Variants in IMMT observed in about 807,000 individuals in gnomAD.
IMMT encodes MICOS complex subunit MIC60.
In IMMT, 40 loss-of-function variants were observed where a neutral mutation model predicts 92.7. The ratio of observed to expected loss-of-function variants is 0.43; its 90% confidence interval spans 0.34 to 0.56. The LOEUF is 0.56. Among genes scored for constraint, IMMT ranks in the 20% least tolerant of loss-of-function variants. The pLI is 0.03. For missense variants in IMMT, 831 were observed against 912.1 expected, an observed-to-expected ratio of 0.91 and a Z score of 1.14; for synonymous variants, 322 against 336.1, an observed-to-expected ratio of 0.96 and a Z score of 0.46.
intron 3 of IMMT, among the ~76,000 whole-genome samples, chr2:86,176,540 G>A (rs531293489): frequency 2.0e-4 from 31 of 152,228 alleles, no homozygotes; most frequent in Non-Finnish European, 3.2e-4. Flanking sequence ...AACAAGATAG[G>A]ATAGCTAACA....
chr2:86,175,381 A>AAT (rs1331033836), intron 3 of IMMT, among the ~76,000 whole-genome samples: 28 of 151,720 alleles, frequency 1.8e-4, no homozygotes, highest in South Asian at 1.5e-3. Context: ...ATTTCTCTCA[A>AAT]ATATATATAT....
chr2:86,165,961 G>C lies in IMMT; in HGVS notation c.792+547C>G, dbSNP rs562743163. Among the ~76,000 whole-genome samples, 261 of 152,312 alleles carry C rather than the reference G, an allele frequency of 1.7e-3. 2 individuals are homozygous for C. Among genetic ancestry groups the C allele is most frequent in the Middle Eastern group, 3.4e-3 (1 of 294 alleles). On this transcript the variant is annotated intron_variant, in intron 7 of 14. Coordinates refer to ENST00000410111, the MANE Select transcript of IMMT (RefSeq NM_006839.3). ...CTAATTCTTGCGCTGCATCGGTGTTGTAAGATATAGTAAAGCACAATGTAT... is the reference window on the plus strand; with the variant it reads ...CTAATTCTTGCGCTGCATCGGTGTTCTAAGATATAGTAAAGCACAATGTAT...
At position 86,146,078 on chromosome 2, in the gene IMMT, C is replaced by T. The variant is rs367650891; in HGVS notation, c.1653G>A (p.Gln551=). The change falls in exon 14 of 15, where the codon CAG becomes CAA. Residue 551 remains glutamine, a synonymous_variant. Transcript: ENST00000410111. ...ATAGCTTATGCTTACTCTGAACAGC[C>T]TGTTCGATTCCTCTGAGTCTGGCAT... ...TAYARLRGIE[Q]AVQSHAVAEE... The T allele has an allele frequency of 3.5e-5, 55 of 1,582,376 alleles. No homozygotes were observed. The highest frequency in any genetic ancestry group is 4.5e-5 in the Non-Finnish European group (52 of 1,159,558).
chr2:86,191,447 C>A (rs1189206705), intron 1 of IMMT, among the ~76,000 whole-genome samples: 3 of 152,024 alleles, frequency 2.0e-5, no homozygotes, highest in African/African-American at 7.2e-5. Context: ...CTCTAGCAGA[C>A]TGCCTCCAGA....
intron 4 of IMMT, among the ~76,000 whole-genome samples, chr2:86,171,757 G>A (rs1233363045): frequency 6.6e-6 from 1 of 151,938 alleles, no homozygotes; most frequent in Non-Finnish European, 1.5e-5. Flanking sequence ...TTTGAAGAGT[G>A]GTAGAAGACG....
At chr2:86,178,324 A>AAAG (rs1405931174) in intron 3 of IMMT, among the ~76,000 whole-genome samples, 2 of 145,550 alleles carry the variant, frequency 1.4e-5, no homozygotes, top group Non-Finnish European at 3.0e-5. Flanking sequence ...TCTCAAAAAA[A>AAAG]AAAAAAAGAA....
rs1212563539 is a variant in IMMT at position 86,171,093 on chromosome 2, C to A, written c.559+115G>T. 16 of 964,018 alleles carry A rather than the reference C, an allele frequency of 1.7e-5. No individual in the cohort carries two copies. In the East Asian group the frequency reaches 4.2e-4, roughly 25 times the overall value. The allele number at this position is 964,018 out of a possible 1,614,324, so 59.7% of individuals were successfully genotyped here. On this transcript the variant is annotated intron_variant, in intron 5 of 14. Coordinates refer to ENST00000410111, the MANE Select transcript of IMMT (RefSeq NM_006839.3). ...AATTTTAAAAATTTCCTAAGAAACT[C>A]TGAAGACCTAAACCTAGTGTAAATG...
At position 86,159,579 on chromosome 2, in the gene IMMT, T is replaced by G. The variant is rs755265526; in HGVS notation, c.989A>C (p.Lys330Thr). ...CAGATCAACTATCATGTTGTGAAGT[T>G]TACCCTCTGCAGCAGTTATATGAGG... Reference protein sequence around the residue: ...AKPHITAAEGKLHNMIVDLDN... With the variant: ...AKPHITAAEGTLHNMIVDLDN... Residue 330 changes from lysine (K) to threonine (T), a missense_variant, in exon 9 of 15, where the codon AAA becomes ACA. Physicochemically the swap from Lys to Thr is moderately conservative, Grantham distance 78. Transcript: ENST00000410111. 1.9e-6 allele frequency: 3 copies of G among 1,610,064 alleles called. No homozygotes were observed. The highest frequency in any genetic ancestry group is 2.5e-6 in the Non-Finnish European group (3 of 1,177,794).
Position 86,144,296 on chromosome 2 carries a change from A to G in IMMT, c.2249T>C (p.Ile750Thr), listed in dbSNP as rs767414578. ...ILTAYASAVG[I>T]GTTQVQPE ...CTCTGGCTGCACCTGAGTGGTTCCTATTCCTACGGCGCTGGCATATGCTGT... is the reference window on the plus strand; with the variant it reads ...CTCTGGCTGCACCTGAGTGGTTCCTGTTCCTACGGCGCTGGCATATGCTGT... Residue 750 changes from isoleucine to threonine, a missense_variant, in exon 15 of 15, where the codon ATA becomes ACA. Coordinates refer to ENST00000410111, the MANE Select transcript of IMMT (RefSeq NM_006839.3). 5.6e-6 allele frequency: 9 copies of G among 1,613,702 alleles called. No homozygotes were observed. The highest frequency in any genetic ancestry group is 2.2e-5 in the South Asian group (2 of 91,072).
Position 86,158,358 on chromosome 2 carries a change from C to T in IMMT, c.1162+234G>A, listed in dbSNP as rs149449018. ...GCAAATATCAGAACAGAACCAATCA[C>T]GGATTATGGAATTAAACACTAGCTG... On this transcript the variant is annotated intron_variant, in intron 10 of 14. Coordinates refer to ENST00000410111, the MANE Select transcript of IMMT (RefSeq NM_006839.3). 3.5e-4 allele frequency: 116 copies of T among 328,136 alleles called. 2 individuals are homozygous for T. Among genetic ancestry groups the T allele is most frequent in the Middle Eastern group, 1.9e-3 (2 of 1,056 alleles). The allele number at this position is 328,136 out of a possible 1,614,324, so 20.3% of individuals were successfully genotyped here. A position where few individuals can be genotyped will look rare whatever the true frequency, so the allele number is the denominator to read the frequency against.
chr2:86,157,682 G>GCCT (rs1212329001), intron 10 of IMMT, among the ~76,000 whole-genome samples: 1 of 151,398 alleles, frequency 6.6e-6, no homozygotes, highest in Non-Finnish European at 1.5e-5. Flanking sequence ...CAGCTACTCA[G>GCCT]TAGGCTGAGG....
At chr2:86,155,159 G>C (rs1675765645) in intron 10 of IMMT, among the ~76,000 whole-genome samples, 1 of 152,122 alleles carries the variant, frequency 6.6e-6, no homozygotes, top group African/African-American at 2.4e-5. Flanking sequence ...CACTGCACCT[G>C]GCCAGTCCTG....
At chr2:86,168,037 T>C (rs759974448) in intron 6 of IMMT, among the ~76,000 whole-genome samples, 40 of 152,192 alleles carry the variant, frequency 2.6e-4, no homozygotes, top group Admixed American at 1.3e-3. Context: ...AAAACACTTA[T>C]GTTGACAAGA....
intron 1 of IMMT, among the ~76,000 whole-genome samples, chr2:86,190,314 C>A (rs1461865246): frequency 6.6e-6 from 1 of 152,228 alleles, no homozygotes; most frequent in African/African-American, 2.4e-5. Context: ...TGTCCACACA[C>A]AAGTTCAATC....
At chr2:86,173,870 TTATCAACACTTTGTAACA>T in intron 3 of IMMT, 109 bp from the exon 4 acceptor site, 1 of 614,592 alleles carries the variant, frequency 1.6e-6, no homozygotes, top group Non-Finnish European at 2.8e-6. Context: ...TAACATAAAG[TTATCAACACTTTGTAACA>T]TATGTATTTT....
intron 7 of IMMT, among the ~76,000 whole-genome samples, chr2:86,162,341 GT>G (rs572177860): frequency 6.7e-4 from 94 of 140,184 alleles, no homozygotes; most frequent in Non-Finnish European, 7.1e-4. Flanking sequence ...AAGGAGAGTT[GT>G]TTTTTTTTTT....
chr2:86,168,919 A>T (rs1220070056), intron 6 of IMMT, among the ~76,000 whole-genome samples: 1 of 152,246 alleles, frequency 6.6e-6, no homozygotes, highest in Non-Finnish European at 1.5e-5. Context: ...GTGAGTGAAC[A>T]GTGGACATCA....
At chr2:86,156,509 G>A (rs575951159) in intron 10 of IMMT, among the ~76,000 whole-genome samples, 8 of 148,872 alleles carry the variant, frequency 5.4e-5, no homozygotes, top group East Asian at 2.0e-4. Context: ...CAGGAGAATC[G>A]CTTGAACCCA....
At position 86,146,182 on chromosome 2, in the gene IMMT, G is replaced by A; in HGVS notation, c.1549C>T (p.Leu517Phe). The A allele has an allele frequency of 6.2e-7, 1 of 1,608,030 alleles. No homozygotes were observed. The highest frequency in any genetic ancestry group is 8.5e-7 in the Non-Finnish European group (1 of 1,175,932). ...SEFEQNLSEK[L>F]SEQELQFRRL... is the part of the protein sequence containing the mutation. ...CGAAATTGTAATTCTTGTTCAGAGA[G>A]TTTCTCAGACAGGTTCTGAAATAAA... The change falls in exon 14 of 15, where the codon CTC becomes TTC. Residue 517 changes from leucine (L) to phenylalanine (F), a missense_variant. By Grantham distance (22) the Leu-to-Phe change is conservative. Transcript: ENST00000410111.
Sources: gnomAD v4.1 joint callset for allele counts (sites outside exome capture counted in the v4.1 genomes callset) on GRCh38, gnomAD v4.1.1 for gene constraint, MANE v1.5 for transcripts, NCBI Gene and HGNC (gene_info 2026-07-23, HGNC 2026-07-21) for gene names.